The following TAFA4 variants were observed in gnomAD, a reference collection of about 807,000 sequenced individuals.
The protein encoded by TAFA4 is chemokine-like protein TAFA-4.
In TAFA4, 20 loss-of-function variants were observed where a neutral mutation model predicts 21.1. That is an observed-to-expected ratio of 0.95 (90% CI 0.67 to 1.38). The LOEUF is 1.38. Ranked by LOEUF, TAFA4 falls within the 40% of genes most tolerant of loss-of-function variation. The pLI, the probability that TAFA4 is intolerant of heterozygous loss-of-function variation, is 0.00. For synonymous variants in TAFA4, 71 were observed against 67.4 expected, an observed-to-expected ratio of 1.05 and a Z score of -0.26; for missense variants, 211 against 180.9, an observed-to-expected ratio of 1.17 and a Z score of -0.95.
intron 3 of TAFA4, among the ~76,000 whole-genome samples, chr3:68,867,035 T>C (rs1385416360): frequency 6.6e-6 from 1 of 151,518 alleles, no homozygotes; most frequent in East Asian, 1.9e-4. Context: ...AACAGAAAAA[T>C]TTCCAAACCT....
chr3:68,787,131 A>G (rs540245200), intron 3 of TAFA4, among the ~76,000 whole-genome samples: 2 of 152,336 alleles, frequency 1.3e-5, no homozygotes, highest in South Asian at 4.1e-4. Context: ...AGTTGAGGCC[A>G]AGGTGATCCA....
intron 3 of TAFA4, among the ~76,000 whole-genome samples, chr3:68,820,901 T>C (rs1477601849): frequency 6.6e-6 from 1 of 152,214 alleles, no homozygotes; most frequent in Non-Finnish European, 1.5e-5. Flanking sequence ...AAATACACCA[T>C]AATTTTAGAA....
At chr3:68,817,560 A>T (rs188796729) in intron 3 of TAFA4, among the ~76,000 whole-genome samples, 7 of 152,320 alleles carry the variant, frequency 4.6e-5, no homozygotes, top group Admixed American at 3.3e-4. Flanking sequence ...AAATAACTAT[A>T]TAAAGCAGCT....
At chr3:68,866,925 T>C (rs902494688) in intron 3 of TAFA4, among the ~76,000 whole-genome samples, 1 of 151,916 alleles carries the variant, frequency 6.6e-6, no homozygotes, top group Non-Finnish European at 1.5e-5. Flanking sequence ...CTACAGAATA[T>C]GAGGAATTAC....
intron 3 of TAFA4, among the ~76,000 whole-genome samples, chr3:68,791,405 A>T (rs1453404088): frequency 6.6e-6 from 1 of 152,164 alleles, no homozygotes; most frequent in African/African-American, 2.4e-5. Flanking sequence ...GGGCTACCAA[A>T]TGCTGGAAGA....
intron 3 of TAFA4, among the ~76,000 whole-genome samples, chr3:68,788,807 T>C (rs1004549405): frequency 1.3e-5 from 2 of 151,980 alleles, no homozygotes; most frequent in Non-Finnish European, 2.9e-5. Flanking sequence ...TTTATTTTTG[T>C]AGAGACAGGA....
intron 4 of TAFA4, among the ~76,000 whole-genome samples, chr3:68,743,619 T>TG: frequency 2.0e-5 from 3 of 150,810 alleles, no homozygotes; most frequent in South Asian, 4.3e-4. Context: ...CTTTGCAGCC[T>TG]CAAATATCAT....
chr3:68,824,792 G>C (rs1408581260), intron 3 of TAFA4, among the ~76,000 whole-genome samples: 1 of 152,126 alleles, frequency 6.6e-6, no homozygotes, highest in East Asian at 1.9e-4. Flanking sequence ...AGGCAGCAAG[G>C]GGCAGAACTA....
chr3:68,861,728 A>G (rs1250096287), intron 3 of TAFA4, among the ~76,000 whole-genome samples: 1 of 151,954 alleles, frequency 6.6e-6, no homozygotes, highest in Non-Finnish European at 1.5e-5. Flanking sequence ...GAAGACTTCA[A>G]ACATTCACTT....
chr3:68,864,328 G>A (rs907637100), intron 3 of TAFA4, among the ~76,000 whole-genome samples: 1 of 152,102 alleles, frequency 6.6e-6, no homozygotes, highest in African/African-American at 2.4e-5. Context: ...ATAGACAGGT[G>A]ACAAGCAAAT....
chr3:68,849,366 C>T (rs1704887704), intron 3 of TAFA4, among the ~76,000 whole-genome samples: 1 of 152,144 alleles, frequency 6.6e-6, no homozygotes, highest in Admixed American at 6.5e-5. Flanking sequence ...ATTTATCGCC[C>T]AGGCTTCATG....
intron 3 of TAFA4, among the ~76,000 whole-genome samples, chr3:68,827,314 T>G (rs1007191812): frequency 2.0e-5 from 3 of 152,164 alleles, no homozygotes; most frequent in African/African-American, 7.2e-5. Context: ...GTTCCAAGTC[T>G]TTGCTATTAT....
chr3:68,817,363 A>T (rs1462450747), intron 3 of TAFA4, among the ~76,000 whole-genome samples: 1 of 152,160 alleles, frequency 6.6e-6, no homozygotes, highest in Non-Finnish European at 1.5e-5. Context: ...ATCTGCAGTT[A>T]CTTCCTCCAC....
chr3:68,861,178 G>A (rs940874130), intron 3 of TAFA4, among the ~76,000 whole-genome samples: 3 of 151,736 alleles, frequency 2.0e-5, no homozygotes, highest in Non-Finnish European at 4.4e-5. Flanking sequence ...TTCTCTCGGG[G>A]GTAGTGGGGA....
intron 1 of TAFA4, among the ~76,000 whole-genome samples, chr3:68,930,382 C>T (rs967234594): frequency 6.6e-6 from 1 of 152,160 alleles, no homozygotes. Context: ...GCAGCCACTG[C>T]TTTTCTGGAC....
chr3:68,826,888 G>A (rs961150218), intron 3 of TAFA4, among the ~76,000 whole-genome samples: 6 of 151,938 alleles, frequency 3.9e-5, no homozygotes, highest in South Asian at 4.2e-4. Flanking sequence ...AAAAATTTCT[G>A]TATTTTTATT....
chr3:68,883,763 G>C (rs1027380511), intron 2 of TAFA4, among the ~76,000 whole-genome samples: 3 of 151,864 alleles, frequency 2.0e-5, no homozygotes, highest in Non-Finnish European at 2.9e-5. Flanking sequence ...TTTTTTTATT[G>C]TTTATACTAT....
chr3:68,895,600 T>A (rs944349720), intron 1 of TAFA4, among the ~76,000 whole-genome samples: 12 of 152,158 alleles, frequency 7.9e-5, no homozygotes, highest in African/African-American at 2.9e-4. Context: ...GTAGGGGGAA[T>A]TAGCTATGCA....
chr3:68,872,362 A>G (rs945107823), intron 3 of TAFA4, among the ~76,000 whole-genome samples: 18 of 152,106 alleles, frequency 1.2e-4, no homozygotes, highest in Non-Finnish European at 1.6e-4. Flanking sequence ...TAGATTTCAT[A>G]CTGGTAGAAA....
Sources: allele counts gnomAD v4.1 joint callset (sites outside exome capture counted in the v4.1 genomes callset), GRCh38; gene constraint gnomAD v4.1.1; transcripts MANE v1.5; gene names NCBI Gene and HGNC (gene_info 2026-07-23, HGNC 2026-07-21).